Variants in ZNF18 observed in about 807,000 individuals in gnomAD.
ZNF18 encodes heart development-specific gene 1 protein.
In ZNF18, 42 loss-of-function variants were observed where a neutral mutation model predicts 58.1. That is an observed-to-expected ratio of 0.72 (90% CI 0.56 to 0.93). ZNF18 has a LOEUF of 0.93. Among genes scored for constraint, ZNF18 ranks in the 40% least tolerant of loss-of-function variants. ZNF18 has a pLI of 0.00. For synonymous variants in ZNF18, 231 were observed against 239.8 expected, an observed-to-expected ratio of 0.96 and a Z score of 0.34; for missense variants, 540 against 644.2, an observed-to-expected ratio of 0.84 and a Z score of 1.75.
intron 4 of ZNF18, among the ~76,000 whole-genome samples, chr17:11,985,005 G>T (rs1399418818): frequency 6.6e-6 from 1 of 152,198 alleles, no homozygotes; most frequent in Non-Finnish European, 1.5e-5. Context: ...CAACTGCATT[G>T]TAAGCTTCAC....
chr17:11,989,486 A>C (rs1467843248), intron 4 of ZNF18, among the ~76,000 whole-genome samples: 2 of 152,248 alleles, frequency 1.3e-5, no homozygotes, highest in Non-Finnish European at 2.9e-5. Context: ...CATATGTTCA[A>C]GAAGCTAGAG....
At chr17:12,015,506 T>G in the ZNF18 span, among the ~76,000 whole-genome samples, 1 of 152,230 alleles carries the variant, frequency 6.6e-6, no homozygotes, top group African/African-American at 2.4e-5. Context: ...AATGTTTAAC[T>G]TCTGTGTGAC....
the ZNF18 span, chr17:12,010,928 A>G: frequency 8.5e-6 from 5 of 589,264 alleles, no homozygotes; most frequent in African/African-American, 9.4e-5. Context: ...TTGGCTCTTC[A>G]CGTGCTTAAC....
chr17:12,020,842 T>C, the ZNF18 span: 19 of 923,214 alleles, frequency 2.1e-5, no homozygotes, highest in Non-Finnish European at 2.7e-5. Context: ...CCGAGCTTGC[T>C]GCATTGCAGC....
In ZNF18 at chr17:11,977,965, A is replaced by T. The variant is rs993597941; in HGVS notation, c.1642T>A (p.Phe548Ile). The T allele has an allele frequency of 6.4e-7, 1 of 1,560,718 alleles. No individual in the cohort carries two copies. Among genetic ancestry groups the T allele is most frequent in the African/African-American group, 1.4e-5 (1 of 72,678 alleles). ...HQRSHLGKKP[F>I]Q ...GAGAGTTTGGTTACTGGCTATTGAAAGGGCTTCTTTCCTAAGTGGGATCTT... is the reference window on the plus strand; with the variant it reads ...GAGAGTTTGGTTACTGGCTATTGAATGGGCTTCTTTCCTAAGTGGGATCTT... The change falls in exon 7 of 7, where the codon TTT (phenylalanine) becomes ATT (isoleucine). Residue 548 changes from phenylalanine (F) to isoleucine (I), a missense_variant. Phe to Ile is a conservative substitution (Grantham distance 21). Coordinates refer to ENST00000580306, the MANE Select transcript of ZNF18 (RefSeq NM_001303281.2).
chr17:11,998,714 G>A (rs938998585), upstream of ZNF18, among the ~76,000 whole-genome samples: 4 of 151,834 alleles, frequency 2.6e-5, no homozygotes, highest in Non-Finnish European at 4.4e-5. Flanking sequence ...TACCTGAAAA[G>A]TGACCAGCGG....
At chr17:11,995,854 G>T (rs1199274673) in intron 1 of ZNF18, among the ~76,000 whole-genome samples, 1 of 152,068 alleles carries the variant, frequency 6.6e-6, no homozygotes, top group Non-Finnish European at 1.5e-5. Context: ...TCAAATGACT[G>T]ATATCTTAAA....
At chr17:11,984,440 C>G (rs951293984) in intron 4 of ZNF18, among the ~76,000 whole-genome samples, 3 of 152,042 alleles carry the variant, frequency 2.0e-5, no homozygotes, top group African/African-American at 7.2e-5. Flanking sequence ...CATTCTGCAC[C>G]TCTTCAGGTG....
intron 4 of ZNF18, among the ~76,000 whole-genome samples, chr17:11,986,847 G>C (rs908455813): frequency 6.6e-6 from 1 of 152,198 alleles, no homozygotes; most frequent in Admixed American, 6.5e-5. Flanking sequence ...ACCAAGAAGA[G>C]TACAAGGCAG....
chr17:11,998,269 G>C (rs892276906), upstream of ZNF18: 1 of 152,206 alleles, frequency 6.6e-6, no homozygotes, highest in South Asian at 2.1e-4. Context: ...CAGTGTTGCC[G>C]GTTTCCAGGC....
rs563728586 is a variant in ZNF18 at position 11,990,715 on chromosome 17, C to T, written c.578-165G>A. On this transcript the variant is annotated intron_variant, in intron 3 of 6. Coordinates refer to ENST00000580306, the MANE Select transcript of ZNF18 (RefSeq NM_001303281.2). ...TATCTCCCTGACACACTCCAACCCC[C>T]TCCAACATTCCAGTCTCACCCATAT... is the stretch of plus-strand genomic sequence containing the variant. 2.1e-3 allele frequency among the ~76,000 whole-genome samples: 325 copies of T among 152,326 alleles called. 2 individuals are homozygous for T. The highest frequency in any genetic ancestry group is 7.3e-3 in the African/African-American group (302 of 41,572).
intron 1 of ZNF18, among the ~76,000 whole-genome samples, chr17:11,993,962 AAG>A (rs1403022829): frequency 2.0e-5 from 3 of 152,156 alleles, no homozygotes; most frequent in African/African-American, 7.2e-5. Context: ...AGACAGTAGA[AAG>A]AGAAATATTA....
At chr17:12,008,563 A>C in the ZNF18 span, among the ~76,000 whole-genome samples, 2 of 152,166 alleles carry the variant, frequency 1.3e-5, no homozygotes, top group Non-Finnish European at 2.9e-5. Context: ...CCCTGAAGGT[A>C]TTTGAGCAAG....
intron 4 of ZNF18, among the ~76,000 whole-genome samples, chr17:11,985,699 A>G (rs1034944385): frequency 2.0e-5 from 3 of 152,224 alleles, no homozygotes; most frequent in Admixed American, 1.3e-4. Context: ...GACCCTGTCC[A>G]GGACAGAAGA....
At chr17:12,019,449 A>T in the ZNF18 span, among the ~76,000 whole-genome samples, 3 of 152,100 alleles carry the variant, frequency 2.0e-5, no homozygotes, top group Non-Finnish European at 4.4e-5. Flanking sequence ...CTCATAATTA[A>T]GATGCCCTAG....
chr17:11,990,909 A>T (rs1968078188), intron 3 of ZNF18, 65 bp downstream of exon 3: 1 of 1,532,596 alleles, frequency 6.5e-7, no homozygotes, highest in African/African-American at 1.4e-5. Context: ...ATTTCAACTC[A>T]CTTAGGCCTA....
intron 1 of ZNF18, among the ~76,000 whole-genome samples, chr17:11,994,078 T>G (rs1036900254): frequency 6.6e-6 from 1 of 152,140 alleles, no homozygotes; most frequent in East Asian, 1.9e-4. Context: ...TTAAATGTTA[T>G]GAAGAATTTG....
chr17:12,020,932 A>AGCGGCAGCG, the ZNF18 span: 1 of 1,143,934 alleles, frequency 8.7e-7, no homozygotes, highest in Non-Finnish European at 1.1e-6. Context: ...CGGGGGCGGC[A>AGCGGCAGCG]GCGGCAGCGG....
chr17:11,983,587 T>C lies in ZNF18; in HGVS notation c.752-180A>G, dbSNP rs150212359. On this transcript the variant is annotated intron_variant, in intron 5 of 6. Transcript: ENST00000580306. ...AGACACCAGTACTCACAGGATGACCTTGACAGATGGTAAAGGCCATGAAAA... is the reference window on the plus strand; with the variant it reads ...AGACACCAGTACTCACAGGATGACCCTGACAGATGGTAAAGGCCATGAAAA... Among the ~76,000 whole-genome samples the C allele has an allele frequency of 2.2e-3, 329 of 152,246 alleles. No individual in the cohort carries two copies. The highest frequency in any genetic ancestry group is 3.3e-3 in the Non-Finnish European group (224 of 68,020).
Sources: gnomAD v4.1 joint callset for allele counts (sites outside exome capture counted in the v4.1 genomes callset) on GRCh38, gnomAD v4.1.1 for gene constraint, MANE v1.5 for transcripts, NCBI Gene and HGNC (gene_info 2026-07-23, HGNC 2026-07-21) for gene names.